Variants in CNTN4 observed in about 807,000 individuals in gnomAD.
CNTN4 encodes the protein contactin 4.
Under a neutral mutation model 122.5 loss-of-function variants are expected in CNTN4, and 77 were observed. The observed-to-expected ratio is 0.63, with a 90% CI of 0.52 to 0.76. CNTN4 has a LOEUF of 0.76. Among genes scored for constraint, CNTN4 ranks in the 30% least tolerant of loss-of-function variants. The pLI is 0.00. For missense variants in CNTN4, 1,256 were observed against 1,259.1 expected, an observed-to-expected ratio of 1.00 and a Z score of 0.04; for synonymous variants, 512 against 447.0, an observed-to-expected ratio of 1.15 and a Z score of -1.83.
At chr3:2,165,840 C>T (rs2036171735) in intron 2 of CNTN4, among the ~76,000 whole-genome samples, 1 of 152,058 alleles carries the variant, frequency 6.6e-6, no homozygotes, top group South Asian at 2.1e-4. Context: ...CCTCTAGGCT[C>T]ATTGATGTTG....
At chr3:3,027,527 C>T (rs1204763155) in intron 15 of CNTN4, among the ~76,000 whole-genome samples, 2 of 152,150 alleles carry the variant, frequency 1.3e-5, no homozygotes, top group African/African-American at 2.4e-5. Context: ...TAGGAAAGTA[C>T]ATAGCCCAAT....
chr3:2,323,487 G>T (rs754905575), intron 2 of CNTN4, among the ~76,000 whole-genome samples: 24 of 152,162 alleles, frequency 1.6e-4, no homozygotes, highest in Non-Finnish European at 3.2e-4. Flanking sequence ...AGAAGTATTT[G>T]TACAGACTTT....
At chr3:2,614,011 G>C (rs76306758) in intron 4 of CNTN4, among the ~76,000 whole-genome samples, 8,234 of 152,112 alleles carry the variant, frequency 0.054, 749 homozygotes, top group African/African-American at 0.19. Flanking sequence ...TTTTCTCAAA[G>C]AGCTAACATT....
At chr3:2,588,587 G>A (rs1052197079) in intron 4 of CNTN4, among the ~76,000 whole-genome samples, 1 of 151,992 alleles carries the variant, frequency 6.6e-6, no homozygotes, top group African/African-American at 2.4e-5. Context: ...GACTGGTCTT[G>A]AATGCTTGAC....
At chr3:2,650,446 A>G (rs2083310901) in intron 4 of CNTN4, among the ~76,000 whole-genome samples, 1 of 152,192 alleles carries the variant, frequency 6.6e-6, no homozygotes, top group African/African-American at 2.4e-5. Context: ...TATTATGTAA[A>G]CTTAGTGGAT....
chr3:2,595,043 A>G (rs1033699930), intron 4 of CNTN4, among the ~76,000 whole-genome samples: 2 of 152,202 alleles, frequency 1.3e-5, no homozygotes, highest in Non-Finnish European at 2.9e-5. Context: ...GGTGAAATAT[A>G]GAAATACAGA....
chr3:2,288,731 T>A (rs1300939243), intron 2 of CNTN4, among the ~76,000 whole-genome samples: 3 of 151,962 alleles, frequency 2.0e-5, no homozygotes, highest in African/African-American at 7.3e-5. Flanking sequence ...AGTGGAAGGA[T>A]TGTAAGAAGA....
chr3:3,032,672 T>G (rs17025031), intron 16 of CNTN4, among the ~76,000 whole-genome samples: 14,967 of 152,202 alleles, frequency 0.098, 743 homozygotes, highest in African/African-American at 0.13. Flanking sequence ...TGAGGCCTGT[T>G]CTATTTAACC....
At chr3:2,439,755 A>G (rs1417471733) in intron 3 of CNTN4, among the ~76,000 whole-genome samples, 1 of 152,114 alleles carries the variant, frequency 6.6e-6, no homozygotes, top group Non-Finnish European at 1.5e-5. Flanking sequence ...GAAGAGCAAT[A>G]AAACAGAGAC....
At chr3:2,099,301 G>C (rs1173793214) in intron 1 of CNTN4, 3 of 152,422 alleles carry the variant, frequency 2.0e-5, no homozygotes, top group East Asian at 1.9e-4. Flanking sequence ...TGCGCTGCGA[G>C]GCAGCCACAA....
intron 2 of CNTN4, among the ~76,000 whole-genome samples, chr3:2,320,898 A>G (rs1385446555): frequency 6.6e-6 from 1 of 152,170 alleles, no homozygotes; most frequent in Non-Finnish European, 1.5e-5. Flanking sequence ...ATAATTAGGA[A>G]TAATTATAAC....
At chr3:2,730,872 G>A (rs1374415153) in intron 4 of CNTN4, among the ~76,000 whole-genome samples, 1 of 151,874 alleles carries the variant, frequency 6.6e-6, no homozygotes, top group Non-Finnish European at 1.5e-5. Flanking sequence ...CTGCTTGCCT[G>A]GGAGGGAAGT....
At chr3:2,218,902 T>G (rs1386025346) in intron 2 of CNTN4, among the ~76,000 whole-genome samples, 1 of 152,164 alleles carries the variant, frequency 6.6e-6, no homozygotes, top group African/African-American at 2.4e-5. Context: ...CTTTCTATAT[T>G]TAGGAACTGT....
chr3:2,688,289 A>AC (rs1430853012), intron 4 of CNTN4, among the ~76,000 whole-genome samples: 1 of 152,088 alleles, frequency 6.6e-6, no homozygotes, highest in Non-Finnish European at 1.5e-5. Context: ...TTTTCCCCAA[A>AC]CACAGTTTGT....
chr3:3,047,105 A>G (rs1700738565), intron 23 of CNTN4, among the ~76,000 whole-genome samples: 3 of 151,650 alleles, frequency 2.0e-5, no homozygotes, highest in African/African-American at 7.3e-5. Flanking sequence ...CACCCAATAC[A>G]GGAGCACCCA....
At chr3:2,906,608 C>G (rs2094236170) in intron 12 of CNTN4, among the ~76,000 whole-genome samples, 1 of 151,946 alleles carries the variant, frequency 6.6e-6, no homozygotes. Flanking sequence ...GAGGCCGAGG[C>G]AGGCGGATCA....
intron 6 of CNTN4, among the ~76,000 whole-genome samples, chr3:2,813,399 G>A (rs1310128414): frequency 6.6e-6 from 1 of 151,972 alleles, no homozygotes; most frequent in African/African-American, 2.4e-5. Context: ...ACCCAAGTCA[G>A]GAAAAAAGTG....
intron 14 of CNTN4, among the ~76,000 whole-genome samples, chr3:3,023,898 G>A (rs1330311323): frequency 6.6e-6 from 1 of 152,172 alleles, no homozygotes; most frequent in African/African-American, 2.4e-5. Flanking sequence ...TGTTTTCAGT[G>A]AAAAGAAAGG....
At chr3:2,734,253 G>C (rs1418731155) in intron 4 of CNTN4, among the ~76,000 whole-genome samples, 1 of 152,046 alleles carries the variant, frequency 6.6e-6, no homozygotes, top group Non-Finnish European at 1.5e-5. Flanking sequence ...TAGAGATAGG[G>C]TCTCCCTGTG....
Sources: gnomAD v4.1 joint callset for allele counts (sites outside exome capture counted in the v4.1 genomes callset) on GRCh38, gnomAD v4.1.1 for gene constraint, MANE v1.5 for transcripts, NCBI Gene and HGNC (gene_info 2026-07-23, HGNC 2026-07-21) for gene names.